The following DOCK1 variants were observed in gnomAD, a reference collection of about 807,000 sequenced individuals.
DOCK1 encodes dedicator of cytokinesis protein 1.
DOCK1 carries 138 observed loss-of-function variants against 262.7 expected under a neutral mutation model. The observed-to-expected ratio is 0.53, with a 90% confidence interval of 0.46 to 0.61. The LOEUF (loss-of-function observed/expected upper bound fraction) is 0.61. Ranked by LOEUF, DOCK1 falls within the 20% of genes least tolerant of loss-of-function variation. The pLI is 0.00. For missense variants in DOCK1, 1,908 were observed against 2,370.7 expected, an observed-to-expected ratio of 0.80 and a Z score of 4.05; for synonymous variants, 866 against 867.4, an observed-to-expected ratio of 1.00 and a Z score of 0.03.
intron 15 of DOCK1, chr10:127,026,106 A>G (rs2042840599): frequency 2.0e-6 from 1 of 488,624 alleles, no homozygotes; most frequent in African/African-American, 2.0e-5. Flanking sequence ...TAATGGTCAG[A>G]GCATTCAGAA....
intron 6 of DOCK1, among the ~76,000 whole-genome samples, chr10:126,992,737 G>GACACACACACACAC (rs34596370): frequency 4.5e-5 from 6 of 133,436 alleles, no homozygotes; most frequent in Middle Eastern, 3.7e-3. Context: ...CCCCAACACA[G>GACACACACACACAC]ACACACACAC....
intron 32 of DOCK1, among the ~76,000 whole-genome samples, chr10:127,357,892 A>G (rs2064220987): frequency 6.6e-6 from 1 of 152,164 alleles, no homozygotes; most frequent in South Asian, 2.1e-4. Context: ...CCTTCCTGCC[A>G]TGGTGCCAGG....
At chr10:127,049,998 G>A (rs1481951479) in intron 21 of DOCK1, among the ~76,000 whole-genome samples, 1 of 105,404 alleles carries the variant, frequency 9.5e-6, no homozygotes, top group African/African-American at 3.8e-5. Flanking sequence ...TTTTACTATA[G>A]TGATGAGGGA....
rs369648520 is a variant in DOCK1, at chr10:127,439,084, G to A, written c.5118G>A (p.Leu1706=). Residue 1706 remains leucine, a synonymous_variant, in exon 49 of 52, where the codon CTG becomes CTA. Transcript: ENST00000623213. ...KKMHSRSQDK[L]DKDDLEKEKK... ...TGCACTCCAGGTCCCAGGACAAGCT[G>A]GACAAGGATGACCTGGAGAAGGAGA... 1.9e-4 allele frequency: 293 copies of A among 1,562,456 alleles called. No homozygotes were observed. The highest frequency in any genetic ancestry group is 8.5e-4 in the Admixed American group (44 of 51,772).
intron 29 of DOCK1, among the ~76,000 whole-genome samples, chr10:127,329,238 G>T (rs1456751869): frequency 1.3e-5 from 2 of 152,122 alleles, no homozygotes; most frequent in African/African-American, 4.8e-5. Context: ...CTGTGCCCGA[G>T]GGGTGGGGCA....
chr10:127,367,987 A>T (rs538238370), intron 33 of DOCK1, among the ~76,000 whole-genome samples: 151 of 151,918 alleles, frequency 9.9e-4, no homozygotes, highest in African/African-American at 3.4e-3. Flanking sequence ...ACTGTCAGCC[A>T]CCCCCTCCAT....
intron 44 of DOCK1, among the ~76,000 whole-genome samples, chr10:127,416,514 A>G (rs1448972951): frequency 6.6e-6 from 1 of 152,172 alleles, no homozygotes; most frequent in Non-Finnish European, 1.5e-5. Flanking sequence ...TTTCGTGAGG[A>G]TGCAGCTTCT....
chr10:127,296,765 C>T (rs1352345583), intron 29 of DOCK1, among the ~76,000 whole-genome samples: 3 of 152,080 alleles, frequency 2.0e-5, no homozygotes, highest in African/African-American at 7.2e-5. Flanking sequence ...TTGTGGCATG[C>T]ATGGGAAAGC....
chr10:127,215,784 T>G (rs1455965577), intron 27 of DOCK1, among the ~76,000 whole-genome samples: 1 of 151,900 alleles, frequency 6.6e-6, no homozygotes, highest in Non-Finnish European at 1.5e-5. Flanking sequence ...TTCAAAATAG[T>G]CACAACCCAA....
intron 4 of DOCK1, among the ~76,000 whole-genome samples, chr10:126,984,534 TG>T (rs1454363208): frequency 6.8e-6 from 1 of 146,526 alleles, no homozygotes; most frequent in African/African-American, 2.6e-5. Flanking sequence ...TGTGTGTGTG[TG>T]TTTTTTTTTT....
intron 10 of DOCK1, among the ~76,000 whole-genome samples, chr10:127,005,272 C>T (rs2040927375): frequency 6.6e-6 from 1 of 151,886 alleles, no homozygotes; most frequent in African/African-American, 2.4e-5. Flanking sequence ...GTTGAGGTTG[C>T]TGTGAACCGT....
At chr10:127,371,024 T>C (rs2065179079) in intron 33 of DOCK1, among the ~76,000 whole-genome samples, 1 of 152,248 alleles carries the variant, frequency 6.6e-6, no homozygotes. Flanking sequence ...GAGAACCTTG[T>C]TGCAAATCAC....
chr10:127,361,861 T>C (rs113843921), intron 32 of DOCK1, among the ~76,000 whole-genome samples: 4,027 of 152,278 alleles, frequency 0.026, 48 homozygotes, highest in Non-Finnish European at 0.039. Context: ...GCTTCACTTA[T>C]AACATGTGGA....
At position 127,208,391 on chromosome 10, in the gene DOCK1, A is replaced by G. The variant is rs1016175271; in HGVS notation, c.2848-39617A>G. On this transcript the variant is annotated intron_variant, in intron 27 of 51. Transcript: ENST00000623213. ...TTGATTTAGTATTTCATGCAACCCAATGGAGTATCTTTGCTGTAGGGTTTT... is the reference window on the plus strand; with the variant it reads ...TTGATTTAGTATTTCATGCAACCCAGTGGAGTATCTTTGCTGTAGGGTTTT... Among the ~76,000 whole-genome samples, 5 of 152,190 alleles carry G rather than the reference A, an allele frequency of 3.3e-5. No individual in the cohort carries two copies. In the South Asian group the frequency reaches 6.2e-4, roughly 19 times the overall value.
chr10:126,971,539 C>T (rs2038109430), intron 2 of DOCK1, among the ~76,000 whole-genome samples: 1 of 152,110 alleles, frequency 6.6e-6, no homozygotes. Flanking sequence ...ACCTCAGGCT[C>T]CCAAGTAGCT....
intron 26 of DOCK1, 94 bp downstream of exon 26, chr10:127,125,695 T>A: frequency 1.3e-6 from 2 of 1,509,556 alleles, no homozygotes; most frequent in Non-Finnish European, 1.8e-6. Flanking sequence ...ATGAAAGGTC[T>A]TGATTTTAAG....
intron 46 of DOCK1, among the ~76,000 whole-genome samples, chr10:127,419,980 C>A (rs2068401381): frequency 1.3e-5 from 2 of 152,210 alleles, no homozygotes; most frequent in South Asian, 4.1e-4. Flanking sequence ...TGAACAAGGT[C>A]TCTTTCCTCC....
intron 23 of DOCK1, among the ~76,000 whole-genome samples, chr10:127,078,978 A>G (rs2046738744): frequency 6.6e-6 from 1 of 152,148 alleles, no homozygotes; most frequent in Admixed American, 6.6e-5. Flanking sequence ...TATTTGGAGT[A>G]TTTAATCCCT....
intron 1 of DOCK1, among the ~76,000 whole-genome samples, chr10:126,910,773 G>A (rs972575879): frequency 4.6e-5 from 7 of 152,132 alleles, no homozygotes; most frequent in Admixed American, 1.3e-4. Flanking sequence ...CCCTTTGCCT[G>A]TTCTGTGTTT....
Sources: gnomAD v4.1 joint callset for allele counts (sites outside exome capture counted in the v4.1 genomes callset) on GRCh38, gnomAD v4.1.1 for gene constraint, MANE v1.5 for transcripts, NCBI Gene and HGNC (gene_info 2026-07-23, HGNC 2026-07-21) for gene names.